IVNS1ABP: variants seen among roughly 807,000 people sequenced by gnomAD.
The protein encoded by IVNS1ABP is influenza virus NS1A-binding protein.
Under a neutral mutation model 78.9 loss-of-function variants are expected in IVNS1ABP, and 25 were observed. The observed-to-expected ratio is 0.32, with a 90% CI of 0.23 to 0.44. The LOEUF (loss-of-function observed/expected upper bound fraction) is 0.44. IVNS1ABP is among the 20% of genes least tolerant of loss of function. IVNS1ABP has a pLI of 1.00. For synonymous variants in IVNS1ABP, 241 were observed against 259.7 expected, an observed-to-expected ratio of 0.93 and a Z score of 0.69; for missense variants, 494 against 768.9, an observed-to-expected ratio of 0.64 and a Z score of 4.23.
At chr1:185,302,896 C>A (rs900507318) in intron 8 of IVNS1ABP, among the ~76,000 whole-genome samples, 5 of 152,000 alleles carry the variant, frequency 3.3e-5, no homozygotes, top group South Asian at 2.1e-4. Flanking sequence ...AAGATAAACC[C>A]CATCCTTTTT....
chr1:185,300,517 A>G lies in IVNS1ABP; in HGVS notation c.1162T>C (p.Tyr388His). ...GACCAGTGATCTGTATGTGGATTAT[A>G]GCATTCGACTGTTCGAAGACATTCC... is the stretch of plus-strand genomic sequence containing the variant. Reference protein sequence around the residue: ...REECLRTVECYNPHTDHWSFL... With the variant: ...REECLRTVECHNPHTDHWSFL... The change falls in exon 11 of 15, where the codon TAT becomes CAT. Residue 388 changes from tyrosine to histidine, a missense_variant. By Grantham distance (83) the Tyr-to-His change is moderately conservative. Coordinates refer to ENST00000367498, the MANE Select transcript of IVNS1ABP (RefSeq NM_006469.5). The G allele has an allele frequency of 6.2e-7, 1 of 1,613,578 alleles. No individual in the cohort carries two copies. Among genetic ancestry groups the G allele is most frequent in the Non-Finnish European group, 8.5e-7 (1 of 1,179,594 alleles).
At chr1:185,306,469 G>A (rs1370643531) in intron 7 of IVNS1ABP, 6 of 1,288,544 alleles carry the variant, frequency 4.7e-6, no homozygotes, top group Non-Finnish European at 5.1e-6. Flanking sequence ...CAAGAATCCT[G>A]TAAAGGAGTA....
intron 8 of IVNS1ABP, among the ~76,000 whole-genome samples, chr1:185,302,349 T>C (rs1440300228): frequency 6.6e-6 from 1 of 152,154 alleles, no homozygotes. Context: ...TTCCTTCCAA[T>C]TACTTTAGCC....
At chr1:185,309,328 C>T (rs982339333) in intron 3 of IVNS1ABP, 55 bp downstream of exon 3, 21 of 1,324,526 alleles carry the variant, frequency 1.6e-5, no homozygotes, top group Admixed American at 2.2e-5. Flanking sequence ...AATCTAAGAA[C>T]TTATGGCTTT....
At position 185,301,173 on chromosome 1, in the gene IVNS1ABP, C is replaced by T. The variant is rs1272429318; in HGVS notation, c.919G>A (p.Val307Met). ...ATGACACAGAATATACCATCCAGCA[C>T]AGCCAGGCACAAGTAAGTGTTATCT... ...TSNNTYLCLA[V>M]LDGIFCVIFL... Residue 307 changes from valine (V) to methionine (M), a missense_variant, in exon 10 of 15, where the codon GTG becomes ATG. Transcript: ENST00000367498. 1 of 1,613,186 alleles carries T rather than the reference C, an allele frequency of 6.2e-7. No homozygotes were observed.
In IVNS1ABP at chr1:185,299,785, G is replaced by T. The variant is rs901777084; in HGVS notation, c.1600C>A (p.Pro534Thr). The change falls in exon 14 of 15, where the codon CCT becomes ACT. Residue 534 changes from proline to threonine, a missense_variant. Transcript: ENST00000367498. ...NCLNTVERYN[P>T]ENNTWTLIAP... The stretch of plus-strand genomic sequence containing the variant: ...ATTAAAGTCCAGGTATTATTTTCAG[G>T]ATTGTATCGTTCTACTGTGTTCAGA... The T allele has an allele frequency of 1.9e-6, 3 of 1,613,624 alleles. No individual in the cohort carries two copies. The highest frequency in any genetic ancestry group is 1.7e-6 in the Non-Finnish European group (2 of 1,179,754).
At chr1:185,302,101 A>G (rs1665617336) in intron 8 of IVNS1ABP, among the ~76,000 whole-genome samples, 1 of 152,264 alleles carries the variant, frequency 6.6e-6, no homozygotes, top group East Asian at 1.9e-4. Context: ...CACTTAAAGA[A>G]TATTTCTTTA....
chr1:185,312,092 A>G (rs148144755), intron 1 of IVNS1ABP, among the ~76,000 whole-genome samples: 103 of 152,360 alleles, frequency 6.8e-4, no homozygotes, highest in African/African-American at 2.4e-3. Flanking sequence ...ACTTGAACAT[A>G]AAGATGAGTA....
chr1:185,300,933 C>T (rs774590020), intron 10 of IVNS1ABP, 39 bp downstream of exon 10: 1 of 1,516,524 alleles, frequency 6.6e-7, no homozygotes, highest in Admixed American at 1.7e-5. Flanking sequence ...CAAAAATGCC[C>T]ATCTACATGC....
rs200876309 is a variant in IVNS1ABP at position 185,301,578 on chromosome 1, G to A, written c.766-15C>T. 1.2e-6 allele frequency: 2 copies of A among 1,612,142 alleles called. No homozygotes were observed. The highest frequency in any genetic ancestry group is 3.3e-5 in the Admixed American group (2 of 59,846). ...GGTGGCTTTTTCTGCAAAATCAAAAGGTAGCTACAGAAACCTAGCCAAAGA... is the reference window on the plus strand; with the variant it reads ...GGTGGCTTTTTCTGCAAAATCAAAAAGTAGCTACAGAAACCTAGCCAAAGA... On this transcript the variant is annotated splice_polypyrimidine_tract_variant and intron_variant, in intron 8 of 14. Coordinates refer to ENST00000367498, the MANE Select transcript of IVNS1ABP (RefSeq NM_006469.5).
chr1:185,314,911 A>G (rs1665975663), intron 1 of IVNS1ABP, among the ~76,000 whole-genome samples: 4 of 152,324 alleles, frequency 2.6e-5, no homozygotes, highest in Admixed American at 2.6e-4. Context: ...ATGCTGAGGT[A>G]TCTGCATGTT....
In IVNS1ABP at chr1:185,298,258, C is replaced by T; in HGVS notation, c.1706G>A (p.Gly569Asp). ...GKLFVCGGFD[G>D]SHAISCVEMY... ...TTCCACACAACTGATGGCATGAGAACCATCAAAGCCACCACATACAAACAG... is the reference window on the plus strand; with the variant it reads ...TTCCACACAACTGATGGCATGAGAATCATCAAAGCCACCACATACAAACAG... Residue 569 changes from glycine (G) to aspartate (D), a missense_variant, in exon 15 of 15, where the codon GGT becomes GAT. Coordinates refer to ENST00000367498, the MANE Select transcript of IVNS1ABP (RefSeq NM_006469.5). The surrounding 1 kb of genome is among the most constrained non-coding windows in gnomAD (Gnocchi z 4.1). The T allele has an allele frequency of 3.1e-6, 5 of 1,613,390 alleles. No homozygotes were observed. Among genetic ancestry groups the T allele is most frequent in the Non-Finnish European group, 4.2e-6 (5 of 1,179,626 alleles).
chr1:185,298,009 G>A lies in IVNS1ABP; in HGVS notation c.*26C>T. The A allele has an allele frequency of 1.2e-6, 2 of 1,607,608 alleles. No individual in the cohort carries two copies. The highest frequency in any genetic ancestry group is 1.7e-6 in the Non-Finnish European group (2 of 1,175,938). Reference sequence around the variant, plus strand: ...TAACCATAATTACATCACTAAGCCTGTTAGTTTGAGAGGGTCTTAAATTTG... The same window carrying A: ...TAACCATAATTACATCACTAAGCCTATTAGTTTGAGAGGGTCTTAAATTTG... On this transcript the variant is annotated 3_prime_UTR_variant, in exon 15 of 15. Transcript: ENST00000367498. This position sits in a 1 kb window ranked among gnomAD's most constrained non-coding sequence, Gnocchi z 4.1.
Sources: allele counts gnomAD v4.1 joint callset (sites outside exome capture counted in the v4.1 genomes callset), GRCh38; gene constraint gnomAD v4.1.1; non-coding constraint Gnocchi (gnomAD v3.1); transcripts MANE v1.5; gene names NCBI Gene and HGNC (gene_info 2026-07-23, HGNC 2026-07-21).